The following ADGRF1 variants were observed in gnomAD, a reference collection of about 807,000 sequenced individuals.
ADGRF1 encodes G protein-coupled receptor 110.
In ADGRF1, 85 loss-of-function variants were observed where a neutral mutation model predicts 87.2. The observed-to-expected ratio is 0.97, with a 90% CI of 0.82 to 1.17. The LOEUF is 1.17. Among genes scored for constraint, ADGRF1 ranks in the 50% most tolerant of loss-of-function variants. The pLI, the probability that ADGRF1 is intolerant of heterozygous loss-of-function variation, is 0.00. For synonymous variants in ADGRF1, 430 were observed against 408.8 expected, an observed-to-expected ratio of 1.05 and a Z score of -0.63; for missense variants, 1,169 against 1,077.2, an observed-to-expected ratio of 1.09 and a Z score of -1.19.
chr6:47,035,186 C>T (rs1051474904), intron 1 of ADGRF1, among the ~76,000 whole-genome samples: 30 of 152,138 alleles, frequency 2.0e-4, no homozygotes, highest in African/African-American at 6.3e-4. Flanking sequence ...GCTTGTGGTT[C>T]GGTATAGCAG....
At chr6:47,032,435 G>A (rs1005051361) in intron 1 of ADGRF1, among the ~76,000 whole-genome samples, 1 of 152,150 alleles carries the variant, frequency 6.6e-6, no homozygotes, top group African/African-American at 2.4e-5. Context: ...AACATTATTT[G>A]TTGTCTAAAA....
At chr6:47,022,809 T>C (rs1027499647) in intron 5 of ADGRF1, among the ~76,000 whole-genome samples, 258 of 148,194 alleles carry the variant, frequency 1.7e-3, no homozygotes, top group African/African-American at 6.2e-3. Flanking sequence ...TTTTTCTTTT[T>C]TTTTTTTTTT....
At chr6:47,012,685 T>C (rs1779744302) in intron 9 of ADGRF1, 5 of 985,620 alleles carry the variant, frequency 5.1e-6, no homozygotes, top group Admixed American at 1.2e-4. Context: ...ACACTGAGAA[T>C]GCGTTGTAAG....
chr6:47,031,569 A>G (rs1389195446), intron 1 of ADGRF1, among the ~76,000 whole-genome samples: 3 of 152,084 alleles, frequency 2.0e-5, no homozygotes, highest in Admixed American at 6.6e-5. Context: ...CAGATGGTAA[A>G]CTGTAACTTA....
intron 1 of ADGRF1, among the ~76,000 whole-genome samples, chr6:47,038,645 A>G (rs9463287): frequency 0.09 from 13,719 of 152,228 alleles, 1,414 homozygotes; most frequent in African/African-American, 0.25. Flanking sequence ...ATTGTTAAGT[A>G]TAATCATTCT....
rs191670177 is a variant in ADGRF1 at position 47,020,860 on chromosome 6, T to C, written c.553-71A>G. The C allele has an allele frequency of 5.9e-4, 689 of 1,172,678 alleles. 2 individuals carry two copies. The African/African-American group carries it at 9.1e-3, about 15-fold the overall frequency. The allele number at this position is 1,172,678 out of a possible 1,614,324, so 72.6% of individuals were successfully genotyped here. A position where few individuals can be genotyped will look rare whatever the true frequency, so the allele number is the denominator to read the frequency against. On this transcript the variant is annotated intron_variant, in intron 6 of 14. Coordinates refer to ENST00000371253, the MANE Select transcript of ADGRF1 (RefSeq NM_153840.4). Reference sequence around the variant, plus strand: ...CTTCAGAAAGACATTTGAGCAAAAATTGATACAGACAATAAATAAATCAAC... The same window carrying C: ...CTTCAGAAAGACATTTGAGCAAAAACTGATACAGACAATAAATAAATCAAC...
intron 13 of ADGRF1, among the ~76,000 whole-genome samples, chr6:47,004,480 A>G (rs1315339261): frequency 6.6e-6 from 1 of 152,176 alleles, no homozygotes; most frequent in Non-Finnish European, 1.5e-5. Context: ...AACAGAGAGA[A>G]ACTGTTAGGC....
At position 47,009,803 on chromosome 6, in the gene ADGRF1, C is replaced by G. The variant is rs770322285; in HGVS notation, c.1632G>C (p.Trp544Cys). Reference protein sequence around the residue: ...CVFWDFSHLQWNDAGCHLVNE... With the variant: ...CVFWDFSHLQCNDAGCHLVNE... ...TCACTAGGTGGCAGCCTGCATCGTT[C>G]CACTGCAAATGACTGAAATCCCAAA... Residue 544 changes from tryptophan (W) to cysteine (C), a missense_variant, in exon 11 of 15, where the codon TGG (tryptophan) becomes TGC (cysteine). Trp to Cys is a radical substitution (Grantham distance 215). Coordinates refer to ENST00000371253, the MANE Select transcript of ADGRF1 (RefSeq NM_153840.4). 2 of 1,614,014 alleles carry G rather than the reference C, an allele frequency of 1.2e-6. No individual in the cohort carries two copies. The highest frequency in any genetic ancestry group is 3.3e-5 in the Admixed American group (2 of 59,992).
chr6:47,001,352 G>A (rs987746264), intron 14 of ADGRF1, 149 bp downstream of exon 14: 3 of 609,832 alleles, frequency 4.9e-6, no homozygotes, highest in South Asian at 2.2e-5. Flanking sequence ...CCCTGAGCAC[G>A]GTCTGGATGA....
intron 10 of ADGRF1, 55 bp from the exon 11 acceptor site, chr6:47,010,373 C>T: frequency 7.2e-7 from 1 of 1,393,160 alleles, no homozygotes. Context: ...GATAAGAGGA[C>T]CAGCAGTGGA....
intron 1 of ADGRF1, among the ~76,000 whole-genome samples, chr6:47,035,206 T>C (rs1319668241): frequency 1.3e-5 from 2 of 152,148 alleles, no homozygotes; most frequent in Non-Finnish European, 1.5e-5. Context: ...GGAGTGACCA[T>C]GAAGCCCTTA....
intron 1 of ADGRF1, among the ~76,000 whole-genome samples, chr6:47,034,351 T>A (rs943810932): frequency 3.3e-5 from 5 of 152,218 alleles, no homozygotes; most frequent in African/African-American, 9.6e-5. Flanking sequence ...TTATTCTTGT[T>A]TTCTCCTCAA....
chr6:47,012,486 A>C (rs751906702), intron 9 of ADGRF1: 5 of 505,524 alleles, frequency 9.9e-6, no homozygotes, highest in Non-Finnish European at 1.3e-5. Context: ...AGGTGCCATT[A>C]TTATTTTCAT....
chr6:47,021,418 T>C (rs923889664), intron 6 of ADGRF1, among the ~76,000 whole-genome samples: 1 of 152,180 alleles, frequency 6.6e-6, no homozygotes, highest in Admixed American at 6.5e-5. Flanking sequence ...TGGAGTGCAG[T>C]GGCACAATCT....
chr6:47,014,544 T>G, intron 9 of ADGRF1, 137 bp downstream of exon 9: 1 of 1,457,482 alleles, frequency 6.9e-7, no homozygotes, highest in South Asian at 1.5e-5. Context: ...CACCAGGGTC[T>G]GATGTCATCC....
intron 12 of ADGRF1, among the ~76,000 whole-genome samples, chr6:47,007,046 G>A (rs1266763472): frequency 6.6e-6 from 1 of 152,088 alleles, no homozygotes; most frequent in African/African-American, 2.4e-5. Context: ...TACATTACAT[G>A]TTTGATTAGT....
Position 47,000,313 on chromosome 6 carries a change from A to AT in ADGRF1, c.2660-19_2660-18insA. ...ATAATGGCCTGAAGGGGAAAAAAAAAGGAAATAATTATTGTTACTCTGTTG... is the reference window on the plus strand; with the variant it reads ...ATAATGGCCTGAAGGGGAAAAAAAAATGGAAATAATTATTGTTACTCTGTTG... On this transcript the variant is annotated intron_variant, in intron 14 of 14. Coordinates refer to ENST00000371253, the MANE Select transcript of ADGRF1 (RefSeq NM_153840.4). The AT allele has an allele frequency of 6.4e-7, 1 of 1,556,806 alleles. No individual in the cohort carries two copies. Among genetic ancestry groups the AT allele is most frequent in the South Asian group, 1.1e-5 (1 of 87,346 alleles).
chr6:47,039,395 T>C (rs892357810), intron 1 of ADGRF1, among the ~76,000 whole-genome samples: 1 of 152,242 alleles, frequency 6.6e-6, no homozygotes, highest in Admixed American at 6.5e-5. Context: ...CATATTCCAC[T>C]TCTATTATTA....
intron 13 of ADGRF1, among the ~76,000 whole-genome samples, chr6:47,002,485 T>C (rs1026888803): frequency 3.9e-5 from 6 of 152,196 alleles, no homozygotes; most frequent in Admixed American, 3.9e-4. Context: ...TTTAATGCTA[T>C]AAACCTTTAA....
Sources: gnomAD v4.1 joint callset for allele counts (sites outside exome capture counted in the v4.1 genomes callset) on GRCh38, gnomAD v4.1.1 for gene constraint, MANE v1.5 for transcripts, NCBI Gene and HGNC (gene_info 2026-07-23, HGNC 2026-07-21) for gene names.